The following NELFB variants were observed in gnomAD, a reference collection of about 807,000 sequenced individuals.
NELFB encodes negative elongation factor B.
In NELFB, 34 loss-of-function variants were observed where a neutral mutation model predicts 60.2. The ratio of observed to expected loss-of-function variants is 0.56; its 90% CI spans 0.43 to 0.75. The LOEUF (loss-of-function observed/expected upper bound fraction) is 0.75. Ranked by LOEUF, NELFB falls within the 30% of genes least tolerant of loss-of-function variation. The probability of loss-of-function intolerance (pLI) is 0.00; values close to 1 mark genes in which losing one functional copy is unlikely to be tolerated. For missense variants in NELFB, 770 were observed against 831.6 expected (o/e 0.93, Z 0.91); for synonymous variants, 459 against 382.1 (o/e 1.20, Z -2.35).
chr9:137,259,675 T>A (rs923099905), intron 4 of NELFB, among the ~76,000 whole-genome samples: 4 of 150,758 alleles, frequency 2.7e-5, no homozygotes, highest in Non-Finnish European at 1.5e-5. Context: ...TATTTTTATC[T>A]TGTTTTATTT....
chr9:137,266,203 G>A, intron 7 of NELFB, 128 bp from the exon 8 acceptor site: 1 of 838,264 alleles, frequency 1.2e-6, no homozygotes, highest in Non-Finnish European at 1.9e-6. Context: ...GTGTGGGGCT[G>A]GTGATCGCAG....
intron 4 of NELFB, among the ~76,000 whole-genome samples, chr9:137,261,185 A>C (rs1192733459): frequency 6.8e-6 from 1 of 147,422 alleles, no homozygotes; most frequent in East Asian, 2.0e-4. Context: ...CTAAAAATAC[A>C]AAAAATTAGC....
At chr9:137,266,891 G>T (rs554405976) in intron 8 of NELFB, 53 bp from the exon 9 acceptor site, 3 of 1,599,394 alleles carry the variant, frequency 1.9e-6, no homozygotes, top group South Asian at 1.1e-5. Flanking sequence ...ACGTCAGGGT[G>T]GGGTGGGGCA....
At chr9:137,258,708 G>T (rs1837597179) in intron 4 of NELFB, among the ~76,000 whole-genome samples, 1 of 151,952 alleles carries the variant, frequency 6.6e-6, no homozygotes, top group Non-Finnish European at 1.5e-5. Flanking sequence ...GCCCACCTTG[G>T]CCTCCCAAAG....
At chr9:137,263,274 C>G in intron 5 of NELFB, 52 bp downstream of exon 5, 2 of 1,520,770 alleles carry the variant, frequency 1.3e-6, no homozygotes, top group Non-Finnish European at 1.8e-6. Flanking sequence ...TAGTGCTGCC[C>G]TCCCTCCCTC....
chr9:137,256,240 T>C (rs1837548551), intron 2 of NELFB, 89 bp from the exon 3 acceptor site: 1 of 1,416,364 alleles, frequency 7.1e-7, no homozygotes, highest in Admixed American at 1.7e-5. Flanking sequence ...TGGAGGCTTG[T>C]CCTGGTAGCT....
chr9:137,264,412 C>G, intron 6 of NELFB, 55 bp downstream of exon 6: 1 of 1,315,720 alleles, frequency 7.6e-7, no homozygotes, highest in African/African-American at 1.5e-5. Context: ...TGCATCCGGT[C>G]TGCGCTTGCT....
At chr9:137,259,309 G>A (rs1830391965) in intron 4 of NELFB, among the ~76,000 whole-genome samples, 1 of 152,228 alleles carries the variant, frequency 6.6e-6, no homozygotes, top group South Asian at 2.1e-4. Flanking sequence ...TTCAAACGCT[G>A]AGCAGTTAGT....
chr9:137,262,494 T>C (rs1293076144), intron 4 of NELFB, among the ~76,000 whole-genome samples: 1 of 152,220 alleles, frequency 6.6e-6, no homozygotes, highest in African/African-American at 2.4e-5. Context: ...TTTTCCTAGA[T>C]TATGATTGTA....
intron 5 of NELFB, among the ~76,000 whole-genome samples, chr9:137,263,628 G>T (rs936865441): frequency 1.3e-5 from 2 of 151,502 alleles, no homozygotes; most frequent in African/African-American, 4.9e-5. Flanking sequence ...TGTCCTGTGT[G>T]CTGGCCCTTT....
chr9:137,271,215 T>C (rs1425089950), intron 10 of NELFB, among the ~76,000 whole-genome samples: 1 of 152,264 alleles, frequency 6.6e-6, no homozygotes, highest in African/African-American at 2.4e-5. Context: ...CACCTGGCCA[T>C]GTGGCCGGCC....
intron 8 of NELFB, 41 bp downstream of exon 8, chr9:137,266,467 G>A: frequency 1.9e-6 from 3 of 1,570,880 alleles, no homozygotes; most frequent in East Asian, 2.2e-5. Flanking sequence ...TCCTACGAGG[G>A]GTTGTGGGCT....
chr9:137,255,415 G>A lies in NELFB; in HGVS notation c.50G>A (p.Gly17Asp). ...GAGCGGGGCTCGGGCGGTCCCCGAG[G>A]CCCGGCGGAGCGGGCTTCTGGGGTG... The change falls in exon 1 of 13, where the codon GGC becomes GAC. Residue 17 changes from glycine to aspartate, a missense_variant. Transcript: ENST00000343053. The A allele has an allele frequency of 9.1e-7, 1 of 1,099,522 alleles. No homozygotes were observed. The highest frequency in any genetic ancestry group is 3.2e-5 in the East Asian group (1 of 31,136). 68.1% of individuals were successfully genotyped at this position (1,099,522 alleles called of 1,614,324 possible). A position where few individuals can be genotyped will look rare whatever the true frequency, so the allele number is the denominator to read the frequency against.
intron 4 of NELFB, among the ~76,000 whole-genome samples, chr9:137,257,716 G>A (rs960903988): frequency 6.6e-6 from 1 of 152,014 alleles, no homozygotes; most frequent in African/African-American, 2.4e-5. Context: ...TGGTCAGGCT[G>A]GTCTTGAACT....
At position 137,273,034 on chromosome 9, in the gene NELFB, G is replaced by A; in HGVS notation, c.*106G>A. The stretch of plus-strand genomic sequence containing the variant: ...TGTACAGGGCAGTCTCTCTTCCCGG[G>A]GCTATGGCTGGGCCTGTCCTGCCGT... On this transcript the variant is annotated 3_prime_UTR_variant, in exon 13 of 13. Coordinates refer to ENST00000343053, the MANE Select transcript of NELFB (RefSeq NM_015456.5). The A allele has an allele frequency of 1.6e-6, 2 of 1,270,656 alleles. No homozygotes were observed. 78.7% of individuals were successfully genotyped at this position (1,270,656 alleles called of 1,614,324 possible).
chr9:137,261,570 A>G (rs1830447135), intron 4 of NELFB, among the ~76,000 whole-genome samples: 1 of 151,612 alleles, frequency 6.6e-6, no homozygotes, highest in Non-Finnish European at 1.5e-5. Flanking sequence ...AGACAGGAGA[A>G]TAGCTTGAAT....
Position 137,272,110 on chromosome 9 carries a change from G to A in NELFB, c.1519G>A (p.Asp507Asn), listed in dbSNP as rs766102792. The A allele has an allele frequency of 6.2e-6, 10 of 1,614,058 alleles. No homozygotes were observed. Among genetic ancestry groups the A allele is most frequent in the South Asian group, 2.2e-5 (2 of 91,092 alleles). The change falls in exon 11 of 13, where the codon GAC becomes AAC. Residue 507 changes from aspartate (D) to asparagine (N), a missense_variant. Physicochemically the swap from Asp to Asn is conservative, Grantham distance 23 (BLOSUM62 1). Transcript: ENST00000343053. Reference sequence around the variant, plus strand: ...GACCTTTGGCGACTTGGCCTTTGGCGACATCTTCCTCCACCTGCTCACGGG... The same window carrying A: ...GACCTTTGGCGACTTGGCCTTTGGCAACATCTTCCTCCACCTGCTCACGGG...
chr9:137,266,946 G>A lies in NELFB; in HGVS notation c.1242G>A (p.Glu414=). The change falls in exon 9 of 13, where the codon GAG becomes GAA. Residue 414 remains glutamate, a splice_region_variant and synonymous_variant. Coordinates refer to ENST00000343053, the MANE Select transcript of NELFB (RefSeq NM_015456.5). ...CTCATGGCCTCCCCTCCTCGTAGGA[G>A]GTAGAGCTCATCACCAGGTTCCTCC... is the stretch of plus-strand genomic sequence containing the variant. 2.5e-6 allele frequency: 4 copies of A among 1,613,344 alleles called. No individual in the cohort carries two copies. Among genetic ancestry groups the A allele is most frequent in the African/African-American group, 1.3e-5 (1 of 75,030 alleles).
In NELFB at chr9:137,273,063, G is replaced by A. The variant is rs1450042523; in HGVS notation, c.*135G>A. On this transcript the variant is annotated 3_prime_UTR_variant, in exon 13 of 13. Coordinates refer to ENST00000343053, the MANE Select transcript of NELFB (RefSeq NM_015456.5). The stretch of plus-strand genomic sequence containing the variant: ...ATGGCTGGGCCTGTCCTGCCGTCAT[G>A]GCCCCCTGCTTCCTGCTCCTTGGAG... 5 of 1,010,520 alleles carry A rather than the reference G, an allele frequency of 4.9e-6. No individual in the cohort carries two copies. The highest frequency in any genetic ancestry group is 3.3e-5 in the Admixed American group (1 of 30,180). The allele number at this position is 1,010,520 out of a possible 1,614,324, so 62.6% of individuals were successfully genotyped here.
Sources: gnomAD v4.1 joint callset for allele counts (sites outside exome capture counted in the v4.1 genomes callset) on GRCh38, gnomAD v4.1.1 for gene constraint, MANE v1.5 for transcripts, NCBI Gene and HGNC (gene_info 2026-07-23, HGNC 2026-07-21) for gene names.